SUPT3H: variants seen among roughly 807,000 people sequenced by gnomAD.
SUPT3H encodes the protein SPT3 homolog, SAGA and STAGA complex component.
A neutral mutation model predicts 44.3 loss-of-function variants in SUPT3H; 44 were observed. That is an observed-to-expected ratio of 0.99 (90% confidence interval 0.78 to 1.28). The LOEUF is 1.28. Ranked by LOEUF, SUPT3H falls within the 50% of genes most tolerant of loss-of-function variation. SUPT3H has a pLI of 0.00. For synonymous variants in SUPT3H, 124 were observed against 125.6 expected, an observed-to-expected ratio of 0.99 and a Z score of 0.09; for missense variants, 380 against 387.1, an observed-to-expected ratio of 0.98 and a Z score of 0.15.
chr6:45,215,891 CA>C (rs1428356824), intron 2 of SUPT3H, among the ~76,000 whole-genome samples: 1 of 152,122 alleles, frequency 6.6e-6, no homozygotes, highest in Non-Finnish European at 1.5e-5. Context: ...GTCAAACTGT[CA>C]AAAGTCAAAG....
chr6:45,319,031 A>G (rs78008246), intron 2 of SUPT3H, among the ~76,000 whole-genome samples: 3 of 152,132 alleles, frequency 2.0e-5, no homozygotes, highest in Admixed American at 2.0e-4. Context: ...CCTCTTGTCA[A>G]CTAGTTCATT....
chr6:45,251,461 T>G (rs1171475830), intron 2 of SUPT3H, among the ~76,000 whole-genome samples: 1 of 149,202 alleles, frequency 6.7e-6, no homozygotes, highest in East Asian at 2.0e-4. Context: ...AAAGCCAAAG[T>G]AAGACTGAAA....
At chr6:44,900,376 T>C (rs980408901) in intron 10 of SUPT3H, among the ~76,000 whole-genome samples, 3 of 152,246 alleles carry the variant, frequency 2.0e-5, no homozygotes, top group Non-Finnish European at 4.4e-5. Context: ...GGAGATTATA[T>C]TCTGCGCCTG....
intron 10 of SUPT3H, among the ~76,000 whole-genome samples, chr6:44,831,480 A>C (rs1768729240): frequency 6.6e-6 from 1 of 152,210 alleles, no homozygotes; most frequent in African/African-American, 2.4e-5. Flanking sequence ...CAGGCAGTGG[A>C]GCCTCAGTCT....
chr6:45,218,523 A>G (rs1765457324), intron 2 of SUPT3H, among the ~76,000 whole-genome samples: 1 of 152,226 alleles, frequency 6.6e-6, no homozygotes. Flanking sequence ...TGAAGTCGGG[A>G]GTTCGAGACC....
intron 2 of SUPT3H, among the ~76,000 whole-genome samples, chr6:45,179,883 G>GAGA (rs1292242180): frequency 6.6e-6 from 1 of 152,024 alleles, no homozygotes; most frequent in African/African-American, 2.4e-5. Flanking sequence ...AATTAGGCAG[G>GAGA]AGGAAATAAA....
At chr6:45,292,026 G>C (rs533159587) in intron 2 of SUPT3H, among the ~76,000 whole-genome samples, 7 of 152,244 alleles carry the variant, frequency 4.6e-5, no homozygotes, top group African/African-American at 1.7e-4. Flanking sequence ...AGAATTTTAA[G>C]ACCTGTGAGA....
intron 3 of SUPT3H, among the ~76,000 whole-genome samples, chr6:45,092,521 G>C (rs368045541): frequency 6.6e-6 from 1 of 151,970 alleles, no homozygotes; most frequent in Non-Finnish European, 1.5e-5. Flanking sequence ...AGGCTGAGGC[G>C]GGTGGATCAC....
At chr6:45,221,145 T>C (rs1235693786) in intron 2 of SUPT3H, among the ~76,000 whole-genome samples, 1 of 152,118 alleles carries the variant, frequency 6.6e-6, no homozygotes, top group African/African-American at 2.4e-5. Flanking sequence ...ACACTGCATG[T>C]TCTCACTCAT....
chr6:45,273,846 G>A (rs78771676), intron 2 of SUPT3H, among the ~76,000 whole-genome samples: 5 of 152,012 alleles, frequency 3.3e-5, no homozygotes, highest in South Asian at 2.1e-4. Flanking sequence ...GAATCTGCTC[G>A]ATCACGTGGG....
chr6:44,834,457 AGTCT>A (rs1272493161), intron 10 of SUPT3H, among the ~76,000 whole-genome samples: 4 of 152,172 alleles, frequency 2.6e-5, no homozygotes, highest in African/African-American at 9.7e-5. Context: ...TTAGGAGCAC[AGTCT>A]GTCTGACTGC....
intron 2 of SUPT3H, among the ~76,000 whole-genome samples, chr6:45,144,637 C>T (rs1805743082): frequency 6.6e-6 from 1 of 151,846 alleles, no homozygotes; most frequent in Non-Finnish European, 1.5e-5. Context: ...CAACATAGTG[C>T]TGGAAGTCCT....
chr6:44,974,830 A>G (rs1778090974), intron 6 of SUPT3H, among the ~76,000 whole-genome samples: 1 of 152,170 alleles, frequency 6.6e-6, no homozygotes, highest in African/African-American at 2.4e-5. Flanking sequence ...TCTGATAAAA[A>G]TTCTATACCC....
chr6:44,897,656 C>G (rs1255048113), intron 10 of SUPT3H, among the ~76,000 whole-genome samples: 1 of 152,192 alleles, frequency 6.6e-6, no homozygotes, highest in African/African-American at 2.4e-5. Flanking sequence ...CCTAGGAACT[C>G]CAGAAATTAA....
At chr6:45,149,763 T>TA (rs927788980) in intron 2 of SUPT3H, among the ~76,000 whole-genome samples, 34 of 152,108 alleles carry the variant, frequency 2.2e-4, no homozygotes, top group African/African-American at 7.9e-4. Flanking sequence ...AAAAAAACTT[T>TA]AAAAAAAATT....
rs1330905401 is a variant in SUPT3H, at chr6:45,146,877, A to C, written c.102-40871T>G. Among the ~76,000 whole-genome samples, 2 of 152,148 alleles carry C rather than the reference A, an allele frequency of 1.3e-5. 1 individual carries two copies. The highest frequency in any genetic ancestry group is 1.3e-4 in the Admixed American group (2 of 15,250). ...AGCAAAGATGCTCCAGAGCAATGGT[A>C]GGAAAAAAGTCCTTGAAACTTAACA... On this transcript the variant is annotated intron_variant, in intron 2 of 10. Coordinates refer to ENST00000371459, the MANE Select transcript of SUPT3H (RefSeq NM_003599.4).
intron 2 of SUPT3H, among the ~76,000 whole-genome samples, chr6:45,226,810 T>C (rs1323133068): frequency 6.6e-6 from 1 of 151,974 alleles, no homozygotes; most frequent in African/African-American, 2.4e-5. Context: ...ATTACAGGCG[T>C]GAGCCACTGC....
At chr6:44,942,875 T>C (rs1772688742) in intron 9 of SUPT3H, among the ~76,000 whole-genome samples, 1 of 152,062 alleles carries the variant, frequency 6.6e-6, no homozygotes, top group African/African-American at 2.4e-5. Context: ...AAAAGTAACT[T>C]CCCTGCTGAA....
chr6:45,320,270 T>C (rs1195891577), intron 2 of SUPT3H, among the ~76,000 whole-genome samples: 1 of 152,066 alleles, frequency 6.6e-6, no homozygotes, highest in Non-Finnish European at 1.5e-5. Flanking sequence ...TCCCAGGTTT[T>C]TTTTGTTTTT....
Sources: allele counts gnomAD v4.1 joint callset (sites outside exome capture counted in the v4.1 genomes callset), GRCh38; gene constraint gnomAD v4.1.1; transcripts MANE v1.5; gene names NCBI Gene and HGNC (gene_info 2026-07-23, HGNC 2026-07-21).